TRIM49D1: variants seen among roughly 807,000 people sequenced by gnomAD.
TRIM49D1 encodes tripartite motif-containing protein 49D.
chr11:89,912,107 TAAATAAATAAATA>T (rs1412913579), intron 7 of TRIM49D1, 21 bp from the exon 8 acceptor site: 1 of 1,304,242 alleles, frequency 7.7e-7, no homozygotes, highest in Non-Finnish European at 9.9e-7. Flanking sequence ...AATAAATAAA[TAAATAAATAAATA>T]AATAAATAAA....
chr11:89,920,883 C>T lies in TRIM49D1; in HGVS notation c.-215-374G>A, dbSNP rs4002137. 3.3e-5 allele frequency among the ~76,000 whole-genome samples: 5 copies of T among 151,972 alleles called. No individual in the cohort carries two copies. The South Asian group carries it at 1.0e-3, about 32-fold the overall frequency. On this transcript the variant is annotated intron_variant, in intron 1 of 7. Coordinates refer to ENST00000420869, the MANE Select transcript of TRIM49D1 (RefSeq NM_001384911.1). ...AAGTAGCTAGGACTACAGGCTCAAA[C>T]CATCCCACCTGGCTAATGTTTTTTT... is the stretch of plus-strand genomic sequence containing the variant.
Position 89,921,173 on chromosome 11 carries a change from C to A in TRIM49D1, c.-215-664G>T, listed in dbSNP as rs3864877. Among the ~76,000 whole-genome samples the A allele has an allele frequency of 3.3e-3, 500 of 152,156 alleles. 11 individuals carry two copies. Among genetic ancestry groups the A allele is most frequent in the East Asian group, 7.3e-3 (38 of 5,174 alleles). On this transcript the variant is annotated intron_variant, in intron 1 of 7. Transcript: ENST00000420869. ...AACTCTACTAATTTGAGGTCTCTTA[C>A]TGAATTTACAAACCTTTGCCAATCT... is the stretch of plus-strand genomic sequence containing the variant.
intron 1 of TRIM49D1, 150 bp downstream of exon 1, chr11:89,921,702 G>T (rs1484957967): frequency 6.6e-6 from 1 of 152,048 alleles, no homozygotes; most frequent in East Asian, 1.9e-4. Context: ...TCCTCAGCTG[G>T]CTGGATCCCA....
At chr11:89,920,855 C>A (rs1001912426) in intron 1 of TRIM49D1, among the ~76,000 whole-genome samples, 21 of 151,986 alleles carry the variant, frequency 1.4e-4, no homozygotes, top group Non-Finnish European at 2.8e-4. Context: ...GCTTCAGCCT[C>A]CCAAGTAGCT....
intron 1 of TRIM49D1, among the ~76,000 whole-genome samples, 185 bp from the exon 2 acceptor site, chr11:89,920,694 A>G (rs573091445): frequency 6.2e-4 from 94 of 152,136 alleles, no homozygotes; most frequent in African/African-American, 2.2e-3. Flanking sequence ...ACTAAGATGC[A>G]TTTTATACTG....
intron 1 of TRIM49D1, chr11:89,921,600 C>T: frequency 6.6e-6 from 1 of 152,058 alleles, no homozygotes; most frequent in Non-Finnish European, 1.5e-5. Flanking sequence ...GGGAGATTCA[C>T]ATATGAATTA....
chr11:89,920,578 C>T (rs1400537239), intron 1 of TRIM49D1, 69 bp from the exon 2 acceptor site: 4 of 286,406 alleles, frequency 1.4e-5, no homozygotes, highest in African/African-American at 6.7e-5. Flanking sequence ...ATTTAGATCG[C>T]ACCTTTGCAC....
rs1406998083 is a variant in TRIM49D1 at position 89,912,100 on chromosome 11, A to C, written c.860-14T>G. The C allele has an allele frequency of 7.9e-7, 1 of 1,272,696 alleles. No homozygotes were observed. The highest frequency in any genetic ancestry group is 1.9e-5 in the African/African-American group (1 of 53,420). The allele number at this position is 1,272,696 out of a possible 1,614,324, so 78.8% of individuals were successfully genotyped here. A position where few individuals can be genotyped will look rare whatever the true frequency, so the allele number is the denominator to read the frequency against. On this transcript the variant is annotated splice_polypyrimidine_tract_variant and intron_variant, in intron 7 of 7. Transcript: ENST00000420869. ...GAGTAATATCCACTGCAAAATAAAT[A>C]AATAAATAAATAAATAAATAAATAA...
intron 1 of TRIM49D1, 69 bp downstream of exon 1, chr11:89,921,783 T>C (rs889474580): frequency 6.6e-6 from 1 of 152,060 alleles, no homozygotes; most frequent in Non-Finnish European, 1.5e-5. Context: ...CCATTCGCTA[T>C]TTTAAATGTT....
intron 7 of TRIM49D1, 129 bp from the exon 8 acceptor site, chr11:89,912,215 ACG>A: frequency 5.6e-6 from 2 of 356,908 alleles, no homozygotes; most frequent in Non-Finnish European, 9.7e-6. Context: ...TTACCAGGAA[ACG>A]TAAAGTCACA....
At chr11:89,920,560 T>G (rs1950325187) in intron 1 of TRIM49D1, 51 bp from the exon 2 acceptor site, 1 of 239,392 alleles carries the variant, frequency 4.2e-6, no homozygotes, top group Non-Finnish European at 8.0e-6. Context: ...TGATTAGGTT[T>G]ATGCAGTATT....
At chr11:89,920,747 A>G (rs1423239265) in intron 1 of TRIM49D1, among the ~76,000 whole-genome samples, 1 of 151,962 alleles carries the variant, frequency 6.6e-6, no homozygotes, top group Non-Finnish European at 1.5e-5. Flanking sequence ...CTCTAAGGGC[A>G]CATTTATTTA....
intron 1 of TRIM49D1, among the ~76,000 whole-genome samples, chr11:89,921,325 A>G (rs1950331228): frequency 6.6e-6 from 1 of 152,094 alleles, no homozygotes; most frequent in Non-Finnish European, 1.5e-5. Context: ...ACGTAGGCTA[A>G]TTCACAAATA....
chr11:89,921,947 A>G lies in TRIM49D1; in HGVS notation c.-311T>C, dbSNP rs1272453401. Among the ~76,000 whole-genome samples the G allele has an allele frequency of 6.6e-6, 1 of 152,026 alleles. No homozygotes were observed. Among genetic ancestry groups the G allele is most frequent in the Non-Finnish European group, 1.5e-5 (1 of 68,038 alleles). Reference sequence around the variant, plus strand: ...TACGTGAGTGTTTCATTGAATAACAATAAGAAAGTTTGTCTATGCCACAAA... The same window carrying G: ...TACGTGAGTGTTTCATTGAATAACAGTAAGAAAGTTTGTCTATGCCACAAA... On this transcript the variant is annotated 5_prime_UTR_variant, in exon 1 of 8. Coordinates refer to ENST00000420869, the MANE Select transcript of TRIM49D1 (RefSeq NM_001384911.1).
At chr11:89,921,793 T>C (rs1007112224) in intron 1 of TRIM49D1, 59 bp downstream of exon 1, 1 of 152,088 alleles carries the variant, frequency 6.6e-6, no homozygotes, top group Non-Finnish European at 1.5e-5. Context: ...TTTTAAATGT[T>C]GTTCAAGGAA....
chr11:89,920,627 T>C (rs1950326034), intron 1 of TRIM49D1, 118 bp from the exon 2 acceptor site: 1 of 378,460 alleles, frequency 2.6e-6, no homozygotes, highest in African/African-American at 2.1e-5. Context: ...AAAACCATGA[T>C]TTAAATGAAT....
At chr11:89,920,609 C>T (rs1396207728) in intron 1 of TRIM49D1, 100 bp from the exon 2 acceptor site, 1 of 354,056 alleles carries the variant, frequency 2.8e-6, no homozygotes, top group Admixed American at 4.7e-5. Flanking sequence ...ATTATCATCA[C>T]TCCTTAAAAA....
chr11:89,921,495 T>G (rs1280101396), intron 1 of TRIM49D1: 1 of 152,012 alleles, frequency 6.6e-6, no homozygotes, highest in Non-Finnish European at 1.5e-5. Flanking sequence ...AGACTTATAT[T>G]CAAGAGTGTC....
intron 1 of TRIM49D1, among the ~76,000 whole-genome samples, 173 bp from the exon 2 acceptor site, chr11:89,920,682 TAAC>T (rs2134743706): frequency 6.6e-6 from 1 of 152,152 alleles, no homozygotes; most frequent in East Asian, 1.9e-4. Context: ...CACTGGAAAT[TAAC>T]TAAGATGCAT....
Sources: allele counts gnomAD v4.1 joint callset (sites outside exome capture counted in the v4.1 genomes callset), GRCh38; gene constraint gnomAD v4.1.1; transcripts MANE v1.5; gene names NCBI Gene and HGNC (gene_info 2026-07-23, HGNC 2026-07-21).